The following ESR1 variants were observed in gnomAD, a reference collection of about 807,000 sequenced individuals.
ESR1 encodes the protein estrogen receptor.
Under a neutral mutation model 52.7 loss-of-function variants are expected in ESR1, and 12 were observed. The observed-to-expected ratio is 0.23, with a 90% CI of 0.15 to 0.37. The LOEUF is 0.37. Among genes scored for constraint, ESR1 ranks in the 10% least tolerant of loss-of-function variants. The probability of loss-of-function intolerance (pLI) is 1.00; values close to 1 mark genes in which losing one functional copy is unlikely to be tolerated. For synonymous variants in ESR1, 305 were observed against 316.8 expected, an observed-to-expected ratio of 0.96 and a Z score of 0.39; for missense variants, 584 against 779.7, an observed-to-expected ratio of 0.75 and a Z score of 2.99.
chr6:151,740,401 G>T (rs1783008656), intron 2 of ESR1, among the ~76,000 whole-genome samples: 1 of 149,254 alleles, frequency 6.7e-6, no homozygotes, highest in Non-Finnish European at 1.5e-5. Flanking sequence ...CTCCCAAAGT[G>T]CTGGGATTAC....
At chr6:152,044,774 C>A (rs942662229) in intron 5 of ESR1, among the ~76,000 whole-genome samples, 2 of 152,210 alleles carry the variant, frequency 1.3e-5, no homozygotes, top group Non-Finnish European at 2.9e-5. Context: ...ATGCTGGCAG[C>A]TGATTAGATG....
intron 6 of ESR1, among the ~76,000 whole-genome samples, chr6:152,085,064 C>T (rs1009606879): frequency 3.9e-5 from 6 of 152,178 alleles, no homozygotes; most frequent in Non-Finnish European, 7.3e-5. Flanking sequence ...TTCTATTCCA[C>T]CTCTTGGTGT....
intron 6 of ESR1, among the ~76,000 whole-genome samples, chr6:152,109,157 T>A (rs1417621756): frequency 6.6e-6 from 1 of 152,190 alleles, no homozygotes; most frequent in Non-Finnish European, 1.5e-5. Flanking sequence ...GGGATGGTGC[T>A]GACCCATTCA....
At chr6:151,775,112 A>C (rs2128112761) in intron 2 of ESR1, among the ~76,000 whole-genome samples, 1 of 152,326 alleles carries the variant, frequency 6.6e-6, no homozygotes, top group East Asian at 1.9e-4. Flanking sequence ...GGAGAGGTGA[A>C]AGAAGGAATC....
chr6:151,867,946 A>G (rs1400847886), intron 2 of ESR1, among the ~76,000 whole-genome samples: 1 of 152,108 alleles, frequency 6.6e-6, no homozygotes, highest in Admixed American at 6.6e-5. Flanking sequence ...TTATTTTTGC[A>G]TATTATTTAT....
chr6:151,763,681 A>G (rs1365812932), intron 2 of ESR1, among the ~76,000 whole-genome samples: 1 of 152,122 alleles, frequency 6.6e-6, no homozygotes, highest in Non-Finnish European at 1.5e-5. Context: ...TCAGAAGAGG[A>G]GTGTATTCCT....
intron 2 of ESR1, among the ~76,000 whole-genome samples, chr6:151,843,686 A>T (rs185049971): frequency 6.6e-6 from 1 of 152,308 alleles, no homozygotes; most frequent in East Asian, 1.9e-4. Context: ...AGTGAAGGTT[A>T]GTATAAACAC....
rs1319909806 is a variant in ESR1, at chr6:151,892,581, T to A, written c.760+11810T>A. The stretch of plus-strand genomic sequence containing the variant: ...TTGTTGAGGCAGGACTCTGAAAAGA[T>A]AACTAAGCTTTTTTTTTTTTTTTTT... On this transcript the variant is annotated intron_variant, in intron 3 of 7. Transcript: ENST00000206249. Among the ~76,000 whole-genome samples, 3 of 146,756 alleles carry A rather than the reference T, an allele frequency of 2.0e-5. No homozygotes were observed. The East Asian group carries it at 6.0e-4, about 29-fold the overall frequency.
At chr6:151,822,076 A>G (rs1371654106) in intron 1 of ESR1, among the ~76,000 whole-genome samples, 1 of 152,232 alleles carries the variant, frequency 6.6e-6, no homozygotes, top group Non-Finnish European at 1.5e-5. Flanking sequence ...AAACAAAACT[A>G]TAGCATTTTT....
At chr6:151,824,013 T>C (rs1781043175) in intron 1 of ESR1, among the ~76,000 whole-genome samples, 1 of 152,074 alleles carries the variant, frequency 6.6e-6, no homozygotes, top group Non-Finnish European at 1.5e-5. Context: ...GGTCAAATGG[T>C]ATTTCTAGTT....
rs144403799 is a variant in ESR1 at position 151,752,812 on chromosome 6, C to T, written c.-71+50807C>T. ...TGATGTTTCTTTCTCTGATTTACTGCTTTTTCTCTTTTAGAGGATATTGTA... is the reference window on the plus strand; with the variant it reads ...TGATGTTTCTTTCTCTGATTTACTGTTTTTTCTCTTTTAGAGGATATTGTA... On this transcript the variant is annotated intron_variant, in intron 2 of 2. Transcript: ENST00000404742. 4.3e-4 allele frequency among the ~76,000 whole-genome samples: 65 copies of T among 152,254 alleles called. No individual in the cohort carries two copies. The East Asian group carries it at 0.01, about 24-fold the overall frequency.
chr6:151,978,834 C>G lies in ESR1; in HGVS notation c.1097-32822C>G, dbSNP rs9340933. On this transcript the variant is annotated intron_variant, in intron 4 of 7. Transcript: ENST00000206249. Reference sequence around the variant, plus strand: ...AAAAACCATCCCTTATAACAAATATCACTAAAGAAACTGTTGGAGGATGTA... The same window carrying G: ...AAAAACCATCCCTTATAACAAATATGACTAAAGAAACTGTTGGAGGATGTA... Among the ~76,000 whole-genome samples, 1,487 of 152,216 alleles carry G rather than the reference C, an allele frequency of 9.8e-3. 15 individuals are homozygous for G. Among genetic ancestry groups the G allele is most frequent in the African/African-American group, 0.028 (1,171 of 41,536 alleles).
chr6:151,940,533 G>A (rs1392430076), intron 3 of ESR1, among the ~76,000 whole-genome samples: 2 of 152,168 alleles, frequency 1.3e-5, no homozygotes, highest in East Asian at 3.9e-4. Context: ...ACGTAAATGG[G>A]TGTGGTGGTT....
chr6:152,044,007 G>C (rs902535254), intron 5 of ESR1, among the ~76,000 whole-genome samples: 1 of 152,160 alleles, frequency 6.6e-6, no homozygotes, highest in African/African-American at 2.4e-5. Flanking sequence ...CTCAGAATGT[G>C]GTTCTGGAGC....
At chr6:151,789,589 G>A (rs545041002) in intron 2 of ESR1, among the ~76,000 whole-genome samples, 4 of 152,322 alleles carry the variant, frequency 2.6e-5, no homozygotes, top group African/African-American at 9.6e-5. Flanking sequence ...GACCCATGGA[G>A]TATAAATAGA....
At chr6:151,931,289 T>A (rs993958409) in intron 3 of ESR1, among the ~76,000 whole-genome samples, 1 of 152,206 alleles carries the variant, frequency 6.6e-6, no homozygotes, top group African/African-American at 2.4e-5. Context: ...TCCTTGGCCG[T>A]GTTGAATCAA....
chr6:152,098,909 T>C lies in ESR1; in HGVS notation c.1731T>C (p.His577=). The change falls in exon 8 of 8, where the codon CAT becomes CAC. Residue 577 remains histidine, a synonymous_variant. Coordinates refer to ENST00000206249, the MANE Select transcript of ESR1 (RefSeq NM_000125.4). The surrounding 1 kb of genome is among the most constrained non-coding windows in gnomAD (Gnocchi z 5.1). ...HLATAGSTSS[H]SLQKYYITGE... ...CCACTGCGGGCTCTACTTCATCGCA[T>C]TCCTTGCAAAAGTATTACATCACGG... The C allele has an allele frequency of 6.2e-7, 1 of 1,614,200 alleles. No homozygotes were observed. Among genetic ancestry groups the C allele is most frequent in the East Asian group, 2.2e-5 (1 of 44,878 alleles).
At chr6:152,065,896 A>C (rs1444827897) in intron 6 of ESR1, among the ~76,000 whole-genome samples, 1 of 152,260 alleles carries the variant, frequency 6.6e-6, no homozygotes, top group Non-Finnish European at 1.5e-5. Context: ...ATAAAGAGGA[A>C]TATGGGTCAA....
intron 2 of ESR1, among the ~76,000 whole-genome samples, chr6:151,876,785 C>A (rs1791896459): frequency 6.6e-6 from 1 of 152,174 alleles, no homozygotes; most frequent in African/African-American, 2.4e-5. Context: ...ACCTTAGATT[C>A]CTCCAGAGGC....
Sources: gnomAD v4.1 joint callset for allele counts (sites outside exome capture counted in the v4.1 genomes callset) on GRCh38, gnomAD v4.1.1 for gene constraint, Gnocchi (gnomAD v3.1) non-coding constraint, MANE v1.5 for transcripts, NCBI Gene and HGNC (gene_info 2026-07-23, HGNC 2026-07-21) for gene names.